The following CRTAM variants were observed in gnomAD, a reference collection of about 807,000 sequenced individuals.
The protein encoded by CRTAM is cytotoxic and regulatory T-cell molecule.
A neutral mutation model predicts 50.0 loss-of-function variants in CRTAM; 44 were observed. The observed-to-expected ratio is 0.88, with a 90% CI of 0.69 to 1.13. The LOEUF is 1.13. Among genes scored for constraint, CRTAM ranks in the 50% most tolerant of loss-of-function variants. The probability of loss-of-function intolerance (pLI) is 0.00; values close to 1 mark genes in which losing one functional copy is unlikely to be tolerated. For missense variants in CRTAM, 448 were observed against 457.5 expected (o/e 0.98, Z 0.19); for synonymous variants, 159 against 169.3 (o/e 0.94, Z 0.47).
At chr11:122,851,671 G>T in intron 2 of CRTAM, 22 bp from the exon 3 acceptor site, 1 of 1,613,012 alleles carries the variant, frequency 6.2e-7, no homozygotes, top group Non-Finnish European at 8.5e-7. Flanking sequence ...CCTCATAACA[G>T]CTCTATTTCC....
chr11:122,854,236 C>A lies in CRTAM; in HGVS notation c.490+150C>A, dbSNP rs527730370. 2.0e-5 allele frequency: 15 copies of A among 741,796 alleles called. No individual in the cohort carries two copies. In the Admixed American group the frequency reaches 3.0e-4, roughly 15 times the overall value. The allele number at this position is 741,796 out of a possible 1,614,324, so 46.0% of individuals were successfully genotyped here. ...TTTTCCAGACAAGTTATTCTTACAA[C>A]CAATCAATTTTATGCCTTAATCTTG... On this transcript the variant is annotated intron_variant, in intron 4 of 9. Transcript: ENST00000227348.
chr11:122,842,237 G>C (rs1474951996), intron 1 of CRTAM, among the ~76,000 whole-genome samples: 2 of 152,124 alleles, frequency 1.3e-5, no homozygotes, highest in Admixed American at 6.6e-5. Context: ...CTTGAATGAA[G>C]GAAGAGACAT....
chr11:122,864,021 A>G (rs1034393823), intron 6 of CRTAM, among the ~76,000 whole-genome samples: 2 of 152,214 alleles, frequency 1.3e-5, no homozygotes, highest in Non-Finnish European at 2.9e-5. Context: ...CTGATTTTTT[A>G]TAATTTATCT....
chr11:122,869,373 T>C (rs1001718151), intron 9 of CRTAM, among the ~76,000 whole-genome samples: 1 of 152,228 alleles, frequency 6.6e-6, no homozygotes, highest in African/African-American at 2.4e-5. Flanking sequence ...GGTTAGTTGA[T>C]AAATTTGTGT....
In CRTAM at chr11:122,861,401, TA is replaced by T. The variant is rs1565291708; in HGVS notation, c.653-1062del. 5.7e-3 allele frequency among the ~76,000 whole-genome samples: 99 copies of T among 17,498 alleles called. 2 individuals carry two copies. Among genetic ancestry groups the T allele is most frequent in the East Asian group, 0.038 (14 of 370 alleles). 11.5% of individuals were successfully genotyped at this position (17,498 alleles called of 152,430 possible). ...ATACATATACGTATATATATATATATATATATATATATATATATATTTTTTT... is the reference window on the plus strand; with the variant it reads ...ATACATATACGTATATATATATATATTATATATATATATATATATTTTTTT... On this transcript the variant is annotated intron_variant, in intron 5 of 9. Transcript: ENST00000227348.
chr11:122,861,385 CGTATATATATAT>C (rs1565291674), intron 5 of CRTAM, among the ~76,000 whole-genome samples: 1 of 53,764 alleles, frequency 1.9e-5, no homozygotes, highest in Non-Finnish European at 3.1e-5. Flanking sequence ...CATACATATA[CGTATATATATAT>C]ATATATATAT....
chr11:122,838,831 G>A (rs1038063001), intron 1 of CRTAM, among the ~76,000 whole-genome samples: 7 of 152,034 alleles, frequency 4.6e-5, no homozygotes, highest in Non-Finnish European at 8.8e-5. Context: ...TGTCTCTGTG[G>A]GTCCTATGTT....
chr11:122,855,608 C>A, intron 4 of CRTAM, 87 bp from the exon 5 acceptor site: 1 of 1,098,106 alleles, frequency 9.1e-7, no homozygotes, highest in Non-Finnish European at 1.3e-6. Context: ...CTAATGTTTG[C>A]CATGAAGTCA....
In CRTAM at chr11:122,872,299, G is replaced by A. The variant is rs1042213992; in HGVS notation, c.*900G>A. The A allele has an allele frequency of 2.6e-5, 4 of 152,164 alleles. No individual in the cohort carries two copies. Among genetic ancestry groups the A allele is most frequent in the Non-Finnish European group, 4.4e-5 (3 of 68,046 alleles). The allele number at this position is 152,164 out of a possible 1,614,324, so 9.4% of individuals were successfully genotyped here. On this transcript the variant is annotated 3_prime_UTR_variant, in exon 10 of 10. Coordinates refer to ENST00000227348, the MANE Select transcript of CRTAM (RefSeq NM_019604.4). ...GAGCTCAGGGTAGGCCCAAAGATTC[G>A]AATTCCTTAGATTACTAAATCACAT...
intron 3 of CRTAM, 138 bp from the exon 4 acceptor site, chr11:122,853,805 C>G (rs1861966266): frequency 1.4e-6 from 1 of 734,924 alleles, no homozygotes; most frequent in East Asian, 3.2e-5. Flanking sequence ...GCGACGGAGA[C>G]TAAGTCTAAA....
At chr11:122,868,432 C>A (rs1862211013) in intron 9 of CRTAM, among the ~76,000 whole-genome samples, 1 of 151,932 alleles carries the variant, frequency 6.6e-6, no homozygotes, top group Admixed American at 6.6e-5. Context: ...AGTTCTGCTG[C>A]CAGGAGAGAG....
chr11:122,868,188 ATGTGTGTGTGTGTGTGTGTGTG>A (rs58440037), intron 9 of CRTAM, 89 bp downstream of exon 9: 19 of 439,902 alleles, frequency 4.3e-5, no homozygotes, highest in South Asian at 2.0e-4. Flanking sequence ...ACAACAGAAT[ATGTGTGTGTGTGTGTGTGTGTG>A]TGTGTGTGTG....
intron 4 of CRTAM, 28 bp from the exon 5 acceptor site, chr11:122,855,667 G>A: frequency 6.2e-7 from 1 of 1,610,034 alleles, no homozygotes; most frequent in South Asian, 1.1e-5. Context: ...GCATTAAATA[G>A]CCATAACCTC....
intron 1 of CRTAM, among the ~76,000 whole-genome samples, chr11:122,847,653 G>A (rs1340867528): frequency 1.3e-5 from 2 of 152,204 alleles, no homozygotes; most frequent in Admixed American, 1.3e-4. Context: ...GGTGATGCAA[G>A]TGAATGTCCC....
intron 6 of CRTAM, among the ~76,000 whole-genome samples, chr11:122,863,351 A>AAAAG (rs781036189): frequency 1.6e-4 from 10 of 60,606 alleles, no homozygotes; most frequent in African/African-American, 3.2e-4. Flanking sequence ...GAAAGAAAGA[A>AAAAG]AAAGAAAGAA....
rs532025038 is a variant in CRTAM at position 122,851,564 on chromosome 11, A to G, written c.194-129A>G. The G allele has an allele frequency of 6.6e-5, 54 of 813,590 alleles. No homozygotes were observed. The African/African-American group carries it at 8.7e-4, about 13-fold the overall frequency. 50.4% of individuals were successfully genotyped at this position (813,590 alleles called of 1,614,324 possible). On this transcript the variant is annotated intron_variant, in intron 2 of 9. Transcript: ENST00000227348. ...TCTTACCTTCCCGTGGAGATAGGAC[A>G]ATGTCTGGAGATAGTTTTGATTGTG... is the stretch of plus-strand genomic sequence containing the variant.
Position 122,867,430 on chromosome 11 carries a change from G to A in CRTAM, c.839G>A (p.Gly280Glu). Reference sequence around the variant, plus strand: ...ATAGAAGCAAATCCTCAGTATTTAGGACTGGCAAGAAAGAAAAGTGGCATC... The same window carrying A: ...ATAGAAGCAAATCCTCAGTATTTAGAACTGGCAAGAAAGAAAAGTGGCATC... ...LTTEANPQYLGLARKKSGILL... is the reference protein window; with the variant it reads ...LTTEANPQYLELARKKSGILL... The change falls in exon 8 of 10, where the codon GGA (glycine) becomes GAA (glutamate). Residue 280 changes from glycine to glutamate, a missense_variant. Physicochemically the swap from Gly to Glu is moderately conservative, Grantham distance 98. Coordinates refer to ENST00000227348, the MANE Select transcript of CRTAM (RefSeq NM_019604.4). The A allele has an allele frequency of 6.2e-7, 1 of 1,613,472 alleles. No homozygotes were observed. The highest frequency in any genetic ancestry group is 8.5e-7 in the Non-Finnish European group (1 of 1,179,930).
chr11:122,871,607 A>C lies in CRTAM; in HGVS notation c.*208A>C, dbSNP rs571795531. ...ACATAAAGCTTGTAGTTTAAAAAAG[A>C]AAAGCAAAAAAATAATTATGCCTGA... On this transcript the variant is annotated 3_prime_UTR_variant, in exon 10 of 10. Coordinates refer to ENST00000227348, the MANE Select transcript of CRTAM (RefSeq NM_019604.4). The C allele has an allele frequency of 2.7e-6, 1 of 365,024 alleles. No homozygotes were observed. Among genetic ancestry groups the C allele is most frequent in the East Asian group, 4.7e-5 (1 of 21,214 alleles). The allele number at this position is 365,024 out of a possible 1,614,324, so 22.6% of individuals were successfully genotyped here. A position where few individuals can be genotyped will look rare whatever the true frequency, so the allele number is the denominator to read the frequency against.
At chr11:122,866,271 C>T (rs1475612327) in intron 7 of CRTAM, among the ~76,000 whole-genome samples, 1 of 152,148 alleles carries the variant, frequency 6.6e-6, no homozygotes, top group East Asian at 1.9e-4. Context: ...TCTCACCTCT[C>T]CTTACTCCCT....
Sources: gnomAD v4.1 joint callset for allele counts (sites outside exome capture counted in the v4.1 genomes callset) on GRCh38, gnomAD v4.1.1 for gene constraint, MANE v1.5 for transcripts, NCBI Gene and HGNC (gene_info 2026-07-23, HGNC 2026-07-21) for gene names.